Variants in PPP1R9A observed in about 807,000 individuals in gnomAD.
PPP1R9A encodes the protein protein phosphatase 1 regulatory subunit 9A.
A neutral mutation model predicts 141.9 loss-of-function variants in PPP1R9A; 59 were observed. That is an observed-to-expected ratio of 0.42 (90% CI 0.34 to 0.52). The LOEUF (loss-of-function observed/expected upper bound fraction) is 0.52, where lower values mean the gene tolerates loss of function less well. PPP1R9A is among the 20% of genes least tolerant of loss of function. The pLI is 0.10. For synonymous variants in PPP1R9A, 500 were observed against 569.7 expected (o/e 0.88, Z 1.74); for missense variants, 1,444 against 1,611.9 (o/e 0.90, Z 1.78).
chr7:94,937,606 A>G (rs1794905482), intron 2 of PPP1R9A, among the ~76,000 whole-genome samples: 1 of 152,138 alleles, frequency 6.6e-6, no homozygotes, highest in Non-Finnish European at 1.5e-5. Flanking sequence ...TCATGACCCA[A>G]TTACACAGGC....
At chr7:95,203,170 T>A (rs77538536) in intron 6 of PPP1R9A, among the ~76,000 whole-genome samples, 1 of 152,092 alleles carries the variant, frequency 6.6e-6, no homozygotes, top group African/African-American at 2.4e-5. Flanking sequence ...ACTTTTTTTT[T>A]AGAATCTTTT....
At chr7:95,017,009 C>A (rs1335039503) in intron 2 of PPP1R9A, among the ~76,000 whole-genome samples, 1 of 151,986 alleles carries the variant, frequency 6.6e-6, no homozygotes, top group Non-Finnish European at 1.5e-5. Context: ...AGAAGAGACG[C>A]AGTGGGAAGA....
chr7:95,000,536 T>C (rs1327113631), intron 2 of PPP1R9A, among the ~76,000 whole-genome samples: 1 of 152,204 alleles, frequency 6.6e-6, no homozygotes, highest in Non-Finnish European at 1.5e-5. Context: ...TTGAGTTCTT[T>C]TTCCTTTATT....
intron 4 of PPP1R9A, among the ~76,000 whole-genome samples, chr7:95,149,711 A>C (rs1828297249): frequency 1.6e-5 from 2 of 122,028 alleles, no homozygotes; most frequent in Admixed American, 1.7e-4. Flanking sequence ...AACTGTGATC[A>C]AAGTTTTGAA....
At chr7:95,119,374 A>T (rs566483544) in intron 3 of PPP1R9A, among the ~76,000 whole-genome samples, 1 of 152,270 alleles carries the variant, frequency 6.6e-6, no homozygotes, top group Non-Finnish European at 1.5e-5. Flanking sequence ...GGTTGGATAC[A>T]TTATGATACC....
At chr7:95,072,458 T>G (rs973538863) in intron 2 of PPP1R9A, among the ~76,000 whole-genome samples, 1 of 143,648 alleles carries the variant, frequency 7.0e-6, no homozygotes, top group African/African-American at 2.5e-5. Flanking sequence ...ATTGTGACTA[T>G]ACACTAAAGA....
chr7:95,147,957 C>G (rs1279381687), intron 4 of PPP1R9A, among the ~76,000 whole-genome samples: 1 of 151,970 alleles, frequency 6.6e-6, no homozygotes, highest in Non-Finnish European at 1.5e-5. Flanking sequence ...CTGAAATTTT[C>G]TTTTTTTGTT....
intron 14 of PPP1R9A, among the ~76,000 whole-genome samples, chr7:95,272,350 A>G (rs1802343182): frequency 6.6e-6 from 1 of 152,248 alleles, no homozygotes; most frequent in Non-Finnish European, 1.5e-5. Flanking sequence ...GCTTTTAAAA[A>G]TAAAATCCAT....
At chr7:95,287,639 G>A (rs1373703549) in intron 18 of PPP1R9A, among the ~76,000 whole-genome samples, 1 of 152,152 alleles carries the variant, frequency 6.6e-6, no homozygotes, top group African/African-American at 2.4e-5. Context: ...CTTACTAACT[G>A]TGTGATCTTG....
At chr7:95,003,787 G>A (rs1461780031) in intron 2 of PPP1R9A, among the ~76,000 whole-genome samples, 1 of 152,138 alleles carries the variant, frequency 6.6e-6, no homozygotes. Flanking sequence ...GATTCCTTAG[G>A]TAATTCTAAT....
chr7:95,145,221 T>G (rs1300318128), intron 4 of PPP1R9A, among the ~76,000 whole-genome samples: 4 of 152,178 alleles, frequency 2.6e-5, no homozygotes, highest in Non-Finnish European at 5.9e-5. Flanking sequence ...TGCCACTTCT[T>G]TAGAGGAGAT....
intron 7 of PPP1R9A, among the ~76,000 whole-genome samples, chr7:95,215,386 G>C (rs1322845250): frequency 6.6e-6 from 1 of 152,156 alleles, no homozygotes; most frequent in East Asian, 1.9e-4. Flanking sequence ...GGACATTTGG[G>C]TTGGTTCCAA....
chr7:95,195,004 A>C (rs540315179), intron 5 of PPP1R9A, among the ~76,000 whole-genome samples: 1 of 152,252 alleles, frequency 6.6e-6, no homozygotes, highest in African/African-American at 2.4e-5. Flanking sequence ...AAAACAATTG[A>C]TACAGAGTTA....
At chr7:95,069,669 A>G (rs1813484257) in intron 2 of PPP1R9A, among the ~76,000 whole-genome samples, 1 of 152,150 alleles carries the variant, frequency 6.6e-6, no homozygotes, top group Non-Finnish European at 1.5e-5. Flanking sequence ...AGTAGCAGTC[A>G]GGGTTCTCCA....
chr7:94,970,008 G>A (rs1798684770), intron 2 of PPP1R9A, among the ~76,000 whole-genome samples: 1 of 152,140 alleles, frequency 6.6e-6, no homozygotes, highest in Non-Finnish European at 1.5e-5. Flanking sequence ...CCACCAAGCT[G>A]GGGTGTCCCA....
chr7:95,143,036 A>T (rs954998201), intron 4 of PPP1R9A, among the ~76,000 whole-genome samples: 2 of 152,142 alleles, frequency 1.3e-5, no homozygotes, highest in African/African-American at 4.8e-5. Context: ...GCTGTGAAAT[A>T]TCCTTGAATA....
intron 2 of PPP1R9A, among the ~76,000 whole-genome samples, chr7:94,912,065 AAT>A (rs1232255037): frequency 1.3e-5 from 2 of 152,156 alleles, no homozygotes; most frequent in African/African-American, 4.8e-5. Context: ...AATTTATGGA[AAT>A]ATATTAGCTG....
chr7:95,009,009 G>A (rs1179632892), intron 2 of PPP1R9A, among the ~76,000 whole-genome samples: 2 of 152,108 alleles, frequency 1.3e-5, no homozygotes, highest in African/African-American at 4.8e-5. Context: ...TAGGGACATG[G>A]ATGAAGCTGG....
intron 5 of PPP1R9A, among the ~76,000 whole-genome samples, chr7:95,191,553 A>G (rs1835504956): frequency 2.0e-5 from 3 of 152,236 alleles, no homozygotes; most frequent in Admixed American, 6.5e-5. Context: ...ATAGAACACT[A>G]GTATTTATTC....
Sources: gnomAD v4.1 joint callset for allele counts (sites outside exome capture counted in the v4.1 genomes callset) on GRCh38, gnomAD v4.1.1 for gene constraint, MANE v1.5 for transcripts, NCBI Gene and HGNC (gene_info 2026-07-23, HGNC 2026-07-21) for gene names.